SEMA6D: variants seen among roughly 807,000 people sequenced by gnomAD.
SEMA6D encodes semaphorin-6D.
A neutral mutation model predicts 106.6 loss-of-function variants in SEMA6D; 35 were observed. The ratio of observed to expected loss-of-function variants is 0.33; its 90% confidence interval spans 0.25 to 0.44. SEMA6D has a LOEUF of 0.44. Among genes scored for constraint, SEMA6D ranks in the 20% least tolerant of loss-of-function variants. SEMA6D has a pLI of 1.00. For missense variants in SEMA6D, 1,185 were observed against 1,345.9 expected (o/e 0.88, Z 1.87); for synonymous variants, 499 against 487.7 (o/e 1.02, Z -0.31).
chr15:47,184,833 G>A (rs1157520921), intron 1 of SEMA6D, among the ~76,000 whole-genome samples: 1 of 152,250 alleles, frequency 6.6e-6, no homozygotes, highest in African/African-American at 2.4e-5. Flanking sequence ...TGGGCGAGTT[G>A]GATCCGGGTC....
chr15:47,626,868 T>A (rs532600636), intron 4 of SEMA6D, among the ~76,000 whole-genome samples: 93 of 152,198 alleles, frequency 6.1e-4, no homozygotes, highest in African/African-American at 2.0e-3. Context: ...ATGCATGCAG[T>A]TTTGTGTGTA....
At chr15:47,684,856 T>C (rs1234790398) in intron 4 of SEMA6D, among the ~76,000 whole-genome samples, 2 of 152,192 alleles carry the variant, frequency 1.3e-5, no homozygotes, top group African/African-American at 2.4e-5. Flanking sequence ...CATTCATTCA[T>C]GAACTGATTT....
chr15:47,221,463 G>A (rs2031201836), intron 1 of SEMA6D, among the ~76,000 whole-genome samples: 1 of 152,104 alleles, frequency 6.6e-6, no homozygotes, highest in Non-Finnish European at 1.5e-5. Flanking sequence ...CTTCATCAAA[G>A]TCTGTTCCTA....
chr15:47,561,716 G>A (rs974584168), intron 3 of SEMA6D, among the ~76,000 whole-genome samples: 3 of 150,868 alleles, frequency 2.0e-5, no homozygotes, highest in South Asian at 2.1e-4. Context: ...CTATAAATGT[G>A]TTTTTCAATT....
At chr15:47,296,319 G>A (rs2035799778) in intron 1 of SEMA6D, among the ~76,000 whole-genome samples, 1 of 152,180 alleles carries the variant, frequency 6.6e-6, no homozygotes, top group African/African-American at 2.4e-5. Context: ...ATCACAGCAT[G>A]CCTGCTTTTA....
intron 3 of SEMA6D, among the ~76,000 whole-genome samples, chr15:47,518,460 CT>C (rs539695763): frequency 2.1e-3 from 322 of 152,248 alleles, no homozygotes; most frequent in Non-Finnish European, 3.7e-3. Flanking sequence ...GTGATTTTGT[CT>C]TTGTGCAAAC....
intron 1 of SEMA6D, among the ~76,000 whole-genome samples, chr15:47,316,543 G>T (rs2036687974): frequency 6.6e-6 from 1 of 151,550 alleles, no homozygotes; most frequent in Admixed American, 6.6e-5. Flanking sequence ...GATTTTTTTG[G>T]GGGGGGTTTT....
At chr15:47,459,606 G>A (rs1449075892) in intron 2 of SEMA6D, among the ~76,000 whole-genome samples, 2 of 151,910 alleles carry the variant, frequency 1.3e-5, no homozygotes, top group African/African-American at 4.8e-5. Context: ...CAAAAATTCT[G>A]TATTGACTAC....
intron 3 of SEMA6D, among the ~76,000 whole-genome samples, chr15:47,569,344 A>G (rs2046317520): frequency 6.6e-6 from 1 of 152,126 alleles, no homozygotes. Context: ...AGAATCATGC[A>G]AGTTTCTAGG....
chr15:47,765,417 G>C, intron 13 of SEMA6D: 1 of 1,047,848 alleles, frequency 9.5e-7, no homozygotes, highest in Non-Finnish European at 1.1e-6. Flanking sequence ...TACATACACA[G>C]AATGCAGTAC....
At chr15:47,724,693 A>C (rs2079627865) in intron 1 of SEMA6D, among the ~76,000 whole-genome samples, 1 of 152,186 alleles carries the variant, frequency 6.6e-6, no homozygotes, top group Admixed American at 6.5e-5. Context: ...GCCCTTACCT[A>C]CAACAGACTT....
At chr15:47,696,271 C>T (rs781498742) in intron 4 of SEMA6D, among the ~76,000 whole-genome samples, 26 of 152,144 alleles carry the variant, frequency 1.7e-4, no homozygotes, top group Non-Finnish European at 3.2e-4. Context: ...GTTGGACATT[C>T]AGCATTCTCT....
chr15:47,384,581 C>G (rs1388707837), intron 1 of SEMA6D, among the ~76,000 whole-genome samples: 4 of 152,172 alleles, frequency 2.6e-5, no homozygotes, highest in Admixed American at 2.6e-4. Flanking sequence ...GACTAATCAG[C>G]TACCAACTGT....
chr15:47,267,449 G>A (rs1281609379), intron 1 of SEMA6D, among the ~76,000 whole-genome samples: 1 of 151,564 alleles, frequency 6.6e-6, no homozygotes, highest in Non-Finnish European at 1.5e-5. Flanking sequence ...GTCTTTTCAA[G>A]CTACATATGT....
intron 4 of SEMA6D, among the ~76,000 whole-genome samples, chr15:47,601,618 AG>A (rs1202745508): frequency 1.3e-5 from 2 of 152,174 alleles, no homozygotes; most frequent in Non-Finnish European, 2.9e-5. Flanking sequence ...AAAGCTAATA[AG>A]ATTGGGGTGG....
At chr15:47,242,686 G>A (rs1039299809) in intron 1 of SEMA6D, among the ~76,000 whole-genome samples, 5 of 151,956 alleles carry the variant, frequency 3.3e-5, no homozygotes, top group African/African-American at 1.2e-4. Flanking sequence ...GTATCCTTAC[G>A]GTCAACTATA....
At chr15:47,234,123 A>G (rs62013982) in intron 1 of SEMA6D, among the ~76,000 whole-genome samples, 1,776 of 151,990 alleles carry the variant, frequency 0.012, 34 homozygotes, top group Admixed American at 0.012. Context: ...TGTTTTGGGA[A>G]TAAGGGTTTT....
At chr15:47,231,564 G>C (rs984549015) in intron 1 of SEMA6D, among the ~76,000 whole-genome samples, 2 of 151,980 alleles carry the variant, frequency 1.3e-5, no homozygotes, top group African/African-American at 4.8e-5. Context: ...TTGAGGAAAT[G>C]AAATTTGTTG....
chr15:47,572,939 A>G (rs181143394), intron 3 of SEMA6D, among the ~76,000 whole-genome samples: 1 of 152,224 alleles, frequency 6.6e-6, no homozygotes, highest in Admixed American at 6.5e-5. Flanking sequence ...ATCAAACCAG[A>G]GCATTTGAAA....
Sources: allele counts gnomAD v4.1 joint callset (sites outside exome capture counted in the v4.1 genomes callset), GRCh38; gene constraint gnomAD v4.1.1; transcripts MANE v1.5; gene names NCBI Gene and HGNC (gene_info 2026-07-23, HGNC 2026-07-21).